The following NFX1 variants were observed in gnomAD, a reference collection of about 807,000 sequenced individuals.
NFX1 encodes the protein transcriptional repressor NF-X1.
Under a neutral mutation model 137.2 loss-of-function variants are expected in NFX1, and 69 were observed. That is an observed-to-expected ratio of 0.50 (90% confidence interval 0.41 to 0.61). NFX1 has a LOEUF of 0.61. Among genes scored for constraint, NFX1 ranks in the 20% least tolerant of loss-of-function variants. The pLI is 0.00. For synonymous variants in NFX1, 495 were observed against 474.1 expected (o/e 1.04, Z -0.57); for missense variants, 1,167 against 1,391.0 (o/e 0.84, Z 2.56).
At chr9:33,363,926 T>G in intron 19 of NFX1, 84 bp from the exon 20 acceptor site, 1 of 797,046 alleles carries the variant, frequency 1.3e-6, no homozygotes, top group Non-Finnish European at 1.9e-6. Flanking sequence ...TGTAAAGAAT[T>G]TAGGATATAG....
At chr9:33,313,916 C>G (rs1822056968) in intron 7 of NFX1, 123 bp downstream of exon 7, 4 of 897,046 alleles carry the variant, frequency 4.5e-6, no homozygotes, top group Non-Finnish European at 6.9e-6. Context: ...GTAGAGAGAA[C>G]TGGAGATACG....
intron 7 of NFX1, among the ~76,000 whole-genome samples, chr9:33,315,779 C>A (rs1410819966): frequency 6.6e-6 from 1 of 151,224 alleles, no homozygotes; most frequent in Non-Finnish European, 1.5e-5. Flanking sequence ...GTAGTCCTAG[C>A]TACTTGGGAG....
chr9:33,305,119 T>C (rs1821706731), intron 4 of NFX1, among the ~76,000 whole-genome samples: 1 of 152,212 alleles, frequency 6.6e-6, no homozygotes, highest in African/African-American at 2.4e-5. Flanking sequence ...CAAGGCACTG[T>C]GAAGAAACAG....
At chr9:33,353,021 G>A (rs984454008) in intron 17 of NFX1, 1 of 288,602 alleles carries the variant, frequency 3.5e-6, no homozygotes, top group Non-Finnish European at 6.5e-6. Context: ...GGGATCACAG[G>A]CGTGAGCCAC....
At position 33,354,844 on chromosome 9, in the gene NFX1, T is replaced by C. The variant is rs756871615; in HGVS notation, c.2832-7T>C. ...TGACTTTAATTTTTTTTCATTTGCTTATCAAGGCTGGAGTGTGATGAGGAG... is the reference window on the plus strand; with the variant it reads ...TGACTTTAATTTTTTTTCATTTGCTCATCAAGGCTGGAGTGTGATGAGGAG... On this transcript the variant is annotated splice_region_variant and splice_polypyrimidine_tract_variant and intron_variant, in intron 18 of 23. Coordinates refer to ENST00000379540, the MANE Select transcript of NFX1 (RefSeq NM_002504.6). 1.2e-6 allele frequency: 2 copies of C among 1,612,960 alleles called. No individual in the cohort carries two copies. The highest frequency in any genetic ancestry group is 1.3e-5 in the African/African-American group (1 of 74,842).
chr9:33,310,991 A>C, intron 5 of NFX1, 115 bp from the exon 6 acceptor site: 1 of 837,146 alleles, frequency 1.2e-6, no homozygotes, highest in African/African-American at 1.7e-5. Context: ...AAATACAAAG[A>C]CATGTCATAG....
At chr9:33,321,538 C>G (rs1009882064) in intron 9 of NFX1, among the ~76,000 whole-genome samples, 8 of 152,140 alleles carry the variant, frequency 5.3e-5, no homozygotes, top group African/African-American at 1.9e-4. Flanking sequence ...TCCCATAGAT[C>G]TGCTTCCCAG....
intron 21 of NFX1, chr9:33,365,080 C>A: frequency 1.3e-6 from 1 of 791,604 alleles, no homozygotes; most frequent in Non-Finnish European, 1.6e-6. Flanking sequence ...TCTAGATCAG[C>A]TTGGCCAACA....
intron 4 of NFX1, among the ~76,000 whole-genome samples, chr9:33,304,057 A>G (rs149044690): frequency 9.3e-4 from 142 of 152,334 alleles, no homozygotes; most frequent in African/African-American, 3.2e-3. Context: ...ACCTGAGATC[A>G]GGAGTTCGAC....
chr9:33,319,729 C>T lies in NFX1; in HGVS notation c.1906+602C>T, dbSNP rs1197671605. On this transcript the variant is annotated intron_variant, in intron 9 of 23. Transcript: ENST00000379540. ...TTCACCATGTTGACCAGGCTGGTCT[C>T]GAACTCCTGGCACCAAGTGATCCAC... Among the ~76,000 whole-genome samples, 12 of 151,718 alleles carry T rather than the reference C, an allele frequency of 7.9e-5. No homozygotes were observed. The East Asian group carries it at 2.3e-3, about 30-fold the overall frequency.
intron 2 of NFX1, 59 bp from the exon 3 acceptor site, chr9:33,301,204 G>A: frequency 1.4e-6 from 2 of 1,473,092 alleles, no homozygotes; most frequent in South Asian, 1.2e-5. Flanking sequence ...GTTGATTAAA[G>A]TGAGGAATGG....
At chr9:33,317,973 CAAAAAAAAAAAAAAAAA>C (rs5897542) in intron 7 of NFX1, among the ~76,000 whole-genome samples, 6 of 44,388 alleles carry the variant, frequency 1.4e-4, no homozygotes, top group African/African-American at 5.8e-4. Flanking sequence ...GACTCTGTCT[CAAAAAAAAAAAAAAAAA>C]AAAAAAAAAA....
At chr9:33,306,760 G>A (rs1446024479) in intron 4 of NFX1, among the ~76,000 whole-genome samples, 1 of 152,058 alleles carries the variant, frequency 6.6e-6, no homozygotes, top group Admixed American at 6.6e-5. Flanking sequence ...CTGCTACTCG[G>A]GATTTATGTC....
intron 15 of NFX1, chr9:33,348,849 A>G (rs1002777378): frequency 1.1e-6 from 1 of 882,232 alleles, no homozygotes; most frequent in African/African-American, 1.8e-5. Flanking sequence ...TTAAGATGAT[A>G]CTGTTTGCTA....
chr9:33,330,041 G>A lies in NFX1; in HGVS notation c.2004+1363G>A, dbSNP rs555488919. 1.1e-4 allele frequency among the ~76,000 whole-genome samples: 17 copies of A among 152,208 alleles called. No homozygotes were observed. In the East Asian group the frequency reaches 2.5e-3, roughly 22 times the overall value. On this transcript the variant is annotated intron_variant, in intron 10 of 23. Coordinates refer to ENST00000379540, the MANE Select transcript of NFX1 (RefSeq NM_002504.6). ...ACTCCTGACCTCAGGTAATCTACCCGCCTCAGCCTCCCAAAATGCTGGGAT... is the reference window on the plus strand; with the variant it reads ...ACTCCTGACCTCAGGTAATCTACCCACCTCAGCCTCCCAAAATGCTGGGAT...
intron 1 of NFX1, among the ~76,000 whole-genome samples, chr9:33,293,075 A>G (rs1821220881): frequency 1.3e-5 from 2 of 151,940 alleles, no homozygotes; most frequent in African/African-American, 4.8e-5. Flanking sequence ...TGATCATTCC[A>G]TTTTTCACTG....
intron 6 of NFX1, among the ~76,000 whole-genome samples, chr9:33,312,415 A>G (rs534437549): frequency 6.6e-6 from 1 of 152,388 alleles, no homozygotes; most frequent in East Asian, 1.9e-4. Flanking sequence ...CATTATGTCA[A>G]GTACTGCAAG....
chr9:33,331,696 T>G (rs1822811872), intron 10 of NFX1, among the ~76,000 whole-genome samples: 1 of 149,154 alleles, frequency 6.7e-6, no homozygotes, highest in Admixed American at 6.7e-5. Context: ...AGTAGCTGCT[T>G]TTTTTTTTTT....
intron 4 of NFX1, among the ~76,000 whole-genome samples, chr9:33,304,176 C>T (rs529828863): frequency 3.3e-5 from 5 of 152,146 alleles, no homozygotes; most frequent in African/African-American, 1.2e-4. Context: ...GCAGGAGAAT[C>T]GCTTGAACCT....
Sources: gnomAD v4.1 joint callset for allele counts (sites outside exome capture counted in the v4.1 genomes callset) on GRCh38, gnomAD v4.1.1 for gene constraint, MANE v1.5 for transcripts, NCBI Gene and HGNC (gene_info 2026-07-23, HGNC 2026-07-21) for gene names.